ZNF536: variants seen among roughly 807,000 people sequenced by gnomAD.
ZNF536 encodes the protein zinc finger protein 536.
A neutral mutation model predicts 84.5 loss-of-function variants in ZNF536; 13 were observed. That is an observed-to-expected ratio of 0.15 (90% CI 0.10 to 0.24). The LOEUF is 0.24. Among genes scored for constraint, ZNF536 ranks in the 10% least tolerant of loss-of-function variants. The pLI is 1.00. For synonymous variants in ZNF536, 811 were observed against 742.5 expected, an observed-to-expected ratio of 1.09 and a Z score of -1.50; for missense variants, 1,536 against 1,747.5, an observed-to-expected ratio of 0.88 and a Z score of 2.16.
At chr19:30,518,863 G>A (rs1249033991) in intron 2 of ZNF536, among the ~76,000 whole-genome samples, 1 of 152,162 alleles carries the variant, frequency 6.6e-6, no homozygotes, top group Non-Finnish European at 1.5e-5. Flanking sequence ...AGGGCAGAGG[G>A]ATGGGGGTGC....
chr19:30,582,780 C>T (rs2146691614), intron 1 of ZNF536, among the ~76,000 whole-genome samples: 1 of 152,214 alleles, frequency 6.6e-6, no homozygotes, highest in East Asian at 1.9e-4. Flanking sequence ...GGAAACCCCT[C>T]ATAGAACCAT....
chr19:30,253,983 T>C (rs1330871182), intron 1 of ZNF536, among the ~76,000 whole-genome samples: 2 of 151,948 alleles, frequency 1.3e-5, no homozygotes, highest in African/African-American at 2.4e-5. Flanking sequence ...GAAAAAAAAA[T>C]TAAAATCAGT....
chr19:30,431,969 A>G (rs188898986), intron 1 of ZNF536, among the ~76,000 whole-genome samples: 93 of 151,578 alleles, frequency 6.1e-4, no homozygotes, highest in African/African-American at 2.0e-3. Flanking sequence ...TTATTATGTT[A>G]AAGATATACC....
intron 1 of ZNF536, among the ~76,000 whole-genome samples, chr19:30,428,135 G>A (rs944213874): frequency 1.3e-5 from 2 of 152,198 alleles, no homozygotes; most frequent in Non-Finnish European, 1.5e-5. Context: ...TGCCTACCAC[G>A]TATGCCTCTG....
At chr19:30,549,645 T>A in intron 4 of ZNF536, 131 bp downstream of exon 4, 4 of 1,014,358 alleles carry the variant, frequency 3.9e-6, no homozygotes, top group Non-Finnish European at 5.5e-6. Context: ...CCCTCAATGC[T>A]GTATCTGCAA....
rs1268368987 is a variant in ZNF536 at position 30,701,336 on chromosome 19, C to G, written c.170-9421C>G. Among the ~76,000 whole-genome samples the G allele has an allele frequency of 2.0e-5, 3 of 150,200 alleles. No homozygotes were observed. The East Asian group carries it at 5.8e-4, about 29-fold the overall frequency. On this transcript the variant is annotated intron_variant, in intron 1 of 1. Coordinates refer to the ZNF536 transcript ENST00000592773. ...ACAGACACACACAAACACAAACACACCAACACACACACAGACACACACAAA... is the reference window on the plus strand; with the variant it reads ...ACAGACACACACAAACACAAACACAGCAACACACACACAGACACACACAAA...
intron 1 of ZNF536, among the ~76,000 whole-genome samples, chr19:30,250,903 A>G (rs1035221109): frequency 3.3e-5 from 5 of 151,720 alleles, no homozygotes; most frequent in Non-Finnish European, 5.9e-5. Flanking sequence ...TAAAAATAGA[A>G]TTCCTTTTTT....
Position 30,548,560 on chromosome 19 carries a change from C to T in ZNF536, c.2941C>T (p.Arg981Trp), listed in dbSNP as rs1238197351. ...GTATGAACCCCTGGACTTGTCTGTG[C>T]GGCCAGATGCCGCCTCCCTCCCGGG... is the stretch of plus-strand genomic sequence containing the variant. ...SQYEPLDLSVRPDAASLPGSS... is the reference protein window; with the variant it reads ...SQYEPLDLSVWPDAASLPGSS... The change falls in exon 4 of 5, where the codon CGG (arginine) becomes TGG (tryptophan). Residue 981 changes from arginine to tryptophan, a missense_variant. This residue lies in a region of ZNF536 where 624 missense variants were observed against 603.1 expected (regional missense o/e 1.03). Transcript: ENST00000355537. 3.7e-6 allele frequency: 6 copies of T among 1,614,002 alleles called. No individual in the cohort carries two copies. Among genetic ancestry groups the T allele is most frequent in the Admixed American group, 1.7e-5 (1 of 60,006 alleles).
intron 2 of ZNF536, among the ~76,000 whole-genome samples, chr19:30,295,873 C>T (rs1205665477): frequency 3.9e-5 from 6 of 152,154 alleles, no homozygotes; most frequent in East Asian, 1.9e-4. Context: ...CAGATGTGGC[C>T]GTGTTTGCTC....
At position 30,395,991 on chromosome 19, in the gene ZNF536, G is replaced by A. The variant is rs148635869; in HGVS notation, c.-3+23435G>A. 5.2e-3 allele frequency among the ~76,000 whole-genome samples: 793 copies of A among 152,180 alleles called. 10 individuals are homozygous for A. Among genetic ancestry groups the A allele is most frequent in the African/African-American group, 0.018 (759 of 41,520 alleles). ...CTACATTGACACGTCAATATCACCCGAAGTCCATGTTTACATTAGGGTGCA... is the reference window on the plus strand; with the variant it reads ...CTACATTGACACGTCAATATCACCCAAAGTCCATGTTTACATTAGGGTGCA... On this transcript the variant is annotated intron_variant, in intron 1 of 4. Coordinates refer to ENST00000355537, the MANE Select transcript of ZNF536 (RefSeq NM_014717.3).
chr19:30,458,892 T>C (rs963076393), intron 2 of ZNF536, among the ~76,000 whole-genome samples: 2 of 152,206 alleles, frequency 1.3e-5, no homozygotes, highest in African/African-American at 4.8e-5. Flanking sequence ...CTGGATGCCA[T>C]AGAGGCAGAG....
chr19:30,667,364 G>C (rs1243224350), intron 1 of ZNF536, among the ~76,000 whole-genome samples: 1 of 152,180 alleles, frequency 6.6e-6, no homozygotes, highest in East Asian at 1.9e-4. Context: ...TTAGTGCCTG[G>C]TTGGCCCTTG....
chr19:30,316,687 C>A (rs150943788), intron 2 of ZNF536, among the ~76,000 whole-genome samples: 1 of 152,166 alleles, frequency 6.6e-6, no homozygotes, highest in Non-Finnish European at 1.5e-5. Context: ...CATTACAGAG[C>A]ATTTGCTTTG....
intron 1 of ZNF536, among the ~76,000 whole-genome samples, chr19:30,256,106 A>G (rs2024904453): frequency 6.6e-6 from 1 of 152,072 alleles, no homozygotes; most frequent in African/African-American, 2.4e-5. Context: ...TCTCTCTCCC[A>G]CGTCCCCTAT....
intron 2 of ZNF536, among the ~76,000 whole-genome samples, chr19:30,455,266 A>G (rs1408577024): frequency 6.6e-6 from 1 of 152,232 alleles, no homozygotes; most frequent in African/African-American, 2.4e-5. Context: ...ATCACTGTGA[A>G]CACTTTTTTT....
At chr19:30,543,994 C>T (rs1196529004) in intron 3 of ZNF536, among the ~76,000 whole-genome samples, 2 of 152,202 alleles carry the variant, frequency 1.3e-5, no homozygotes, top group South Asian at 2.1e-4. Flanking sequence ...ATAGGAAGCC[C>T]GGAAAGGGAA....
intron 2 of ZNF536, among the ~76,000 whole-genome samples, chr19:30,506,727 G>A (rs528061634): frequency 5.9e-5 from 9 of 152,288 alleles, no homozygotes; most frequent in African/African-American, 1.4e-4. Flanking sequence ...TGGGCCTCGA[G>A]TAATCCACAA....
At chr19:30,645,529 G>A (rs1225014734) in intron 1 of ZNF536, among the ~76,000 whole-genome samples, 1 of 152,194 alleles carries the variant, frequency 6.6e-6, no homozygotes, top group Admixed American at 6.5e-5. Flanking sequence ...AGGAGGACAT[G>A]TATCCTTCAT....
intron 1 of ZNF536, among the ~76,000 whole-genome samples, chr19:30,248,899 G>T (rs1184501394): frequency 6.6e-6 from 1 of 152,110 alleles, no homozygotes; most frequent in Non-Finnish European, 1.5e-5. Flanking sequence ...TTTTAAGGAG[G>T]AAGGACAAGT....
Sources: gnomAD v4.1 joint callset for allele counts (sites outside exome capture counted in the v4.1 genomes callset) on GRCh38, gnomAD v4.1.1 for gene constraint, gnomAD v4.1.1 regional missense constraint, MANE v1.5 for transcripts, NCBI Gene and HGNC (gene_info 2026-07-23, HGNC 2026-07-21) for gene names.